The following ZNF804B variants were observed in gnomAD, a reference collection of about 807,000 sequenced individuals.
The protein encoded by ZNF804B is zinc finger protein 804B, also known as zinc finger 804B.
Under a neutral mutation model 101.4 loss-of-function variants are expected in ZNF804B, and 80 were observed. That is an observed-to-expected ratio of 0.79 (90% CI 0.66 to 0.95). The LOEUF (loss-of-function observed/expected upper bound fraction) is 0.95, where lower values mean the gene tolerates loss of function less well. Among genes scored for constraint, ZNF804B ranks in the 40% least tolerant of loss-of-function variants. The pLI, the probability that ZNF804B is intolerant of heterozygous loss-of-function variation, is 0.00. For missense variants in ZNF804B, 1,673 were observed against 1,561.9 expected, an observed-to-expected ratio of 1.07 and a Z score of -1.20; for synonymous variants, 622 against 558.8, an observed-to-expected ratio of 1.11 and a Z score of -1.59.
At chr7:89,026,116 G>A (rs552790197) in intron 1 of ZNF804B, among the ~76,000 whole-genome samples, 2 of 152,120 alleles carry the variant, frequency 1.3e-5, no homozygotes, top group Admixed American at 1.3e-4. Flanking sequence ...TGTGCCAAGT[G>A]CTGTGCTAAG....
chr7:88,933,293 T>C (rs1181187011), intron 1 of ZNF804B, among the ~76,000 whole-genome samples: 3 of 151,718 alleles, frequency 2.0e-5, no homozygotes, highest in Admixed American at 6.6e-5. Flanking sequence ...TAGAAACTTA[T>C]CTCAAAGTAA....
chr7:89,175,027 C>T (rs946793261), intron 1 of ZNF804B, among the ~76,000 whole-genome samples: 7 of 151,808 alleles, frequency 4.6e-5, no homozygotes, highest in African/African-American at 1.7e-4. Context: ...AATATTTTCC[C>T]TCATTTTGTG....
At chr7:88,771,389 CAT>C (rs1473344909) in intron 1 of ZNF804B, among the ~76,000 whole-genome samples, 1 of 151,892 alleles carries the variant, frequency 6.6e-6, no homozygotes, top group East Asian at 1.9e-4. Flanking sequence ...TATCACTAAT[CAT>C]ATGTGTACAG....
intron 1 of ZNF804B, among the ~76,000 whole-genome samples, chr7:88,782,030 A>C (rs1790235297): frequency 6.6e-6 from 1 of 151,996 alleles, no homozygotes; most frequent in Non-Finnish European, 1.5e-5. Context: ...TTAGTTTCAT[A>C]ATTTGCTGCC....
intron 1 of ZNF804B, among the ~76,000 whole-genome samples, chr7:88,908,960 T>A (rs1422551331): frequency 6.6e-6 from 1 of 151,820 alleles, no homozygotes; most frequent in African/African-American, 2.4e-5. Context: ...TTGAGATATA[T>A]ACCACTGCAG....
intron 1 of ZNF804B, among the ~76,000 whole-genome samples, chr7:89,002,708 GTCT>G (rs1452080716): frequency 6.6e-6 from 1 of 151,762 alleles, no homozygotes; most frequent in African/African-American, 2.4e-5. Flanking sequence ...ATCAGCTATA[GTCT>G]TCTTATCTCA....
intron 1 of ZNF804B, among the ~76,000 whole-genome samples, chr7:89,136,736 AGTGTGTGTGTGT>A (rs3059353): frequency 6.9e-6 from 1 of 145,672 alleles, no homozygotes; most frequent in South Asian, 2.2e-4. Context: ...TGTGTGTGTG[AGTGTGTGTGTGT>A]GTGTGTGTGT....
intron 1 of ZNF804B, among the ~76,000 whole-genome samples, chr7:88,875,567 G>C (rs559193298): frequency 0.063 from 9,537 of 151,928 alleles, 425 homozygotes; most frequent in South Asian, 0.16. Context: ...TAGAAGAAAT[G>C]GATAAATTCC....
In ZNF804B at chr7:88,888,710, T is replaced by G. The variant is rs577601147; in HGVS notation, c.108+128626T>G. ...TTTTGATCATGCTACTCTGTTTTAC[T>G]TAAGCATTTTAGTATTTTAAAGAGG... is the stretch of plus-strand genomic sequence containing the variant. On this transcript the variant is annotated intron_variant, in intron 1 of 3. Coordinates refer to ENST00000333190, the MANE Select transcript of ZNF804B (RefSeq NM_181646.5). Among the ~76,000 whole-genome samples the G allele has an allele frequency of 3.3e-5, 5 of 152,328 alleles. No individual in the cohort carries two copies. In the South Asian group the frequency reaches 1.0e-3, roughly 32 times the overall value.
At chr7:88,862,705 C>G (rs2115859926) in intron 1 of ZNF804B, among the ~76,000 whole-genome samples, 1 of 152,308 alleles carries the variant, frequency 6.6e-6, no homozygotes, top group South Asian at 2.1e-4. Context: ...TTGTTGCATA[C>G]TGGGCTAACC....
chr7:89,286,938 A>G (rs1282823789), intron 2 of ZNF804B, among the ~76,000 whole-genome samples: 2 of 151,910 alleles, frequency 1.3e-5, no homozygotes, highest in Non-Finnish European at 2.9e-5. Context: ...CACCTTCTCC[A>G]CTTCTTTTGC....
chr7:88,853,652 AAGTT>A (rs1399212655), intron 1 of ZNF804B, among the ~76,000 whole-genome samples: 7 of 152,262 alleles, frequency 4.6e-5, no homozygotes, highest in South Asian at 2.1e-4. Context: ...CAAATATAGA[AAGTT>A]AGTCCCCAAA....
chr7:89,336,245 C>A lies in ZNF804B; in HGVS notation c.3263C>A (p.Ser1088Ter). 2 of 1,613,814 alleles carry A rather than the reference C, an allele frequency of 1.2e-6. No individual in the cohort carries two copies. The highest frequency in any genetic ancestry group is 2.2e-5 in the South Asian group (2 of 91,076). Residue 1088 changes from serine (S) to a stop codon, truncating the protein, a stop_gained, in exon 4 of 4, where the codon TCA (serine) becomes TAA (stop). Transcript: ENST00000333190. LOFTEE classifies it high-confidence loss of function. ...AATAAATATACTGGTGTGACTGATTCAACAGAGACCCAAGAAGACCAAATA... is the reference window on the plus strand; with the variant it reads ...AATAAATATACTGGTGTGACTGATTAAACAGAGACCCAAGAAGACCAAATA... The part of the protein sequence containing the change: ...PSNKYTGVTD[S>*]TETQEDQINL...
intron 1 of ZNF804B, among the ~76,000 whole-genome samples, chr7:89,022,243 A>C (rs963751185): frequency 6.6e-6 from 1 of 152,016 alleles, no homozygotes; most frequent in Admixed American, 6.6e-5. Flanking sequence ...GTTAAATTCT[A>C]TCTGTTTATT....
chr7:89,285,546 A>AAAAAAG (rs1554389597), intron 2 of ZNF804B, among the ~76,000 whole-genome samples: 19 of 93,432 alleles, frequency 2.0e-4, no homozygotes, highest in East Asian at 4.7e-4. Flanking sequence ...AAAAAAAAAA[A>AAAAAAG]AAGAAGAAGA....
intron 1 of ZNF804B, among the ~76,000 whole-genome samples, chr7:89,190,923 A>G (rs1280140567): frequency 6.6e-6 from 1 of 152,176 alleles, no homozygotes; most frequent in Non-Finnish European, 1.5e-5. Flanking sequence ...TATTGCACAC[A>G]TAATAGACTA....
chr7:88,937,957 G>T (rs1252043587), intron 1 of ZNF804B, among the ~76,000 whole-genome samples: 3 of 152,106 alleles, frequency 2.0e-5, no homozygotes, highest in African/African-American at 4.8e-5. Context: ...ACCGTGGGCT[G>T]TGACAGCCCT....
intron 1 of ZNF804B, among the ~76,000 whole-genome samples, chr7:88,804,037 T>C (rs1482147324): frequency 6.6e-6 from 1 of 152,028 alleles, no homozygotes; most frequent in East Asian, 1.9e-4. Context: ...GAGGTAAAAT[T>C]CTAAACAAAA....
In ZNF804B at chr7:89,335,807, G is replaced by A. The variant is rs752788019; in HGVS notation, c.2825G>A (p.Ser942Asn). The A allele has an allele frequency of 1.2e-5, 19 of 1,613,932 alleles. 1 individual carries two copies. The highest frequency in any genetic ancestry group is 2.2e-5 in the East Asian group (1 of 44,862). The change falls in exon 4 of 4, where the codon AGT becomes AAT. Residue 942 changes from serine (S) to asparagine (N), a missense_variant. By Grantham distance (46) the Ser-to-Asn change is conservative. Coordinates refer to ENST00000333190, the MANE Select transcript of ZNF804B (RefSeq NM_181646.5). ...GCCAAGAAATGTCAAGAACAATCAA[G>A]TAATGTTGAGATCTCTTCAAACAGT... The part of the protein sequence containing the change: ...VQAKKCQEQS[S>N]NVEISSNSCK...
Sources: allele counts gnomAD v4.1 joint callset (sites outside exome capture counted in the v4.1 genomes callset), GRCh38; gene constraint gnomAD v4.1.1; transcripts MANE v1.5; gene names NCBI Gene and HGNC (gene_info 2026-07-23, HGNC 2026-07-21).